Variants in TRPC4AP observed in about 807,000 individuals in gnomAD.
The protein encoded by TRPC4AP is transient receptor potential cation channel subfamily C member 4 associated protein.
In TRPC4AP, 45 loss-of-function variants were observed where a neutral mutation model predicts 99.0. That is an observed-to-expected ratio of 0.45 (90% CI 0.36 to 0.58). The LOEUF (loss-of-function observed/expected upper bound fraction) is 0.58, where lower values mean the gene tolerates loss of function less well. TRPC4AP is among the 20% of genes least tolerant of loss of function. TRPC4AP has a pLI of 0.00. For missense variants in TRPC4AP, 879 were observed against 985.3 expected, an observed-to-expected ratio of 0.89 and a Z score of 1.44; for synonymous variants, 408 against 385.8, an observed-to-expected ratio of 1.06 and a Z score of -0.67.
In TRPC4AP at chr20:35,092,742, G is replaced by T. The variant is rs753576653; in HGVS notation, c.40C>A (p.Arg14=). The T allele has an allele frequency of 6.4e-7, 1 of 1,562,806 alleles. No individual in the cohort carries two copies. The highest frequency in any genetic ancestry group is 8.6e-7 in the Non-Finnish European group (1 of 1,165,724). The stretch of plus-strand genomic sequence containing the variant: ...ACTGTGGCTGCCGACCGTCTCCCTC[G>T]GCCGGCTCCAGACCCAGCCGCTACC... ...APVAAGSGAG[R]GRRSAATVAA... is the part of the protein sequence containing the mutation. The change falls in exon 1 of 19, where the codon CGA becomes AGA. Residue 14 remains arginine, a synonymous_variant. Transcript: ENST00000252015.
At chr20:35,014,335 T>TTG (rs10681837) in intron 10 of TRPC4AP, among the ~76,000 whole-genome samples, 1 of 148,050 alleles carries the variant, frequency 6.8e-6, no homozygotes, top group African/African-American at 2.5e-5. Context: ...TTTTTTTTTT[T>TTG]GAGACACAGT....
chr20:35,016,905 G>A (rs557403284), intron 9 of TRPC4AP, among the ~76,000 whole-genome samples: 5 of 152,308 alleles, frequency 3.3e-5, no homozygotes, highest in Middle Eastern at 3.4e-3. Flanking sequence ...TTATAAGACC[G>A]TGTTGGTGAC....
intron 1 of TRPC4AP, among the ~76,000 whole-genome samples, chr20:35,089,513 T>A (rs2084981705): frequency 1.3e-5 from 2 of 150,794 alleles, no homozygotes; most frequent in South Asian, 4.3e-4. Context: ...ATTACACACA[T>A]GAGCCAATGT....
chr20:35,038,278 A>AT (rs35478505), intron 7 of TRPC4AP, among the ~76,000 whole-genome samples: 89,439 of 148,206 alleles, frequency 0.6, 27,873 homozygotes, highest in Middle Eastern at 0.77. Context: ...TTGAGACACC[A>AT]TTTTTTTTTT....
At chr20:35,085,910 T>C (rs2084829491) in intron 1 of TRPC4AP, among the ~76,000 whole-genome samples, 1 of 152,192 alleles carries the variant, frequency 6.6e-6, no homozygotes, top group South Asian at 2.1e-4. Context: ...GTGCATCTTA[T>C]TTGTTTCTTT....
chr20:35,042,066 G>A (rs1489023265), intron 7 of TRPC4AP, among the ~76,000 whole-genome samples: 1 of 152,130 alleles, frequency 6.6e-6, no homozygotes, highest in Non-Finnish European at 1.5e-5. Flanking sequence ...CAACGTGCAG[G>A]TTTGTTACAT....
At chr20:35,022,706 A>G (rs554399415) in intron 8 of TRPC4AP, among the ~76,000 whole-genome samples, 4 of 152,174 alleles carry the variant, frequency 2.6e-5, no homozygotes, top group African/African-American at 9.7e-5. Context: ...GATACTCTTT[A>G]AAGTATCAAG....
At chr20:35,052,051 C>T (rs998996222) in intron 5 of TRPC4AP, among the ~76,000 whole-genome samples, 7 of 150,810 alleles carry the variant, frequency 4.6e-5, no homozygotes, top group Admixed American at 4.0e-4. Context: ...CTACATTTTT[C>T]GGGGGAGAGT....
At chr20:35,025,204 T>C (rs933735239) in intron 8 of TRPC4AP, among the ~76,000 whole-genome samples, 3 of 152,114 alleles carry the variant, frequency 2.0e-5, no homozygotes, top group African/African-American at 4.8e-5. Flanking sequence ...GTGGGGTTTG[T>C]TTTTTCCTCT....
chr20:35,023,334 G>T (rs1307176533), intron 8 of TRPC4AP, among the ~76,000 whole-genome samples: 4 of 152,160 alleles, frequency 2.6e-5, no homozygotes, highest in Non-Finnish European at 5.9e-5. Flanking sequence ...GGAGTAGAGG[G>T]ATATACTGAA....
At chr20:35,063,637 T>C (rs1035998840) in intron 3 of TRPC4AP, among the ~76,000 whole-genome samples, 3 of 152,106 alleles carry the variant, frequency 2.0e-5, no homozygotes, top group African/African-American at 4.8e-5. Flanking sequence ...GGCAGGAAGA[T>C]CATTTGAGAC....
intron 2 of TRPC4AP, among the ~76,000 whole-genome samples, chr20:35,072,086 T>C (rs906713662): frequency 6.6e-6 from 1 of 152,256 alleles, no homozygotes; most frequent in Non-Finnish European, 1.5e-5. Flanking sequence ...ACGTCTTCTT[T>C]TGAAAAGTGT....
At chr20:35,069,147 C>T (rs2084237164) in intron 3 of TRPC4AP, 149 bp downstream of exon 3, 1 of 591,702 alleles carries the variant, frequency 1.7e-6, no homozygotes, top group Non-Finnish European at 3.1e-6. Flanking sequence ...AACTATGCTG[C>T]TTCAACATGT....
In TRPC4AP at chr20:35,004,467, C is replaced by A; in HGVS notation, c.2040G>T (p.Thr680=). Residue 680 remains threonine (T), a synonymous_variant, in exon 17 of 19, where the codon ACG becomes ACT. Transcript: ENST00000252015. ...TGCCGGGGCCTCTCACCTGGGTCAG[C>A]GTCTGCACGTGGATGATGTTGATGA... ...FRLINIIHVQ[T]LTQENVSCLN... 1 of 1,613,162 alleles carries A rather than the reference C, an allele frequency of 6.2e-7. No homozygotes were observed. The highest frequency in any genetic ancestry group is 8.5e-7 in the Non-Finnish European group (1 of 1,179,540).
chr20:35,071,929 C>CA (rs1200305576), intron 2 of TRPC4AP, among the ~76,000 whole-genome samples: 6 of 152,206 alleles, frequency 3.9e-5, no homozygotes, highest in African/African-American at 1.4e-4. Flanking sequence ...TATTTCTCCA[C>CA]ATCCTCTCCA....
chr20:35,081,803 T>A (rs1430790069), intron 1 of TRPC4AP, among the ~76,000 whole-genome samples: 2 of 151,780 alleles, frequency 1.3e-5, no homozygotes, highest in Admixed American at 6.6e-5. Flanking sequence ...CTGGCCAACA[T>A]GATGAAACCC....
chr20:35,067,368 G>A (rs1465316561), intron 3 of TRPC4AP, among the ~76,000 whole-genome samples: 1 of 152,104 alleles, frequency 6.6e-6, no homozygotes, highest in Non-Finnish European at 1.5e-5. Context: ...CAGATAACAA[G>A]TGTTGGCAAG....
chr20:35,078,017 T>G, intron 2 of TRPC4AP, 29 bp downstream of exon 2: 5 of 1,582,852 alleles, frequency 3.2e-6, no homozygotes, highest in Non-Finnish European at 4.3e-6. Context: ...AGGCCCTGAA[T>G]ACGCCCCTCC....
At chr20:35,084,479 T>C (rs1447940039) in intron 1 of TRPC4AP, among the ~76,000 whole-genome samples, 2 of 119,144 alleles carry the variant, frequency 1.7e-5, no homozygotes, top group African/African-American at 2.7e-5. Context: ...TGTATATATG[T>C]GTATATATGT....
Sources: gnomAD v4.1 joint callset for allele counts (sites outside exome capture counted in the v4.1 genomes callset) on GRCh38, gnomAD v4.1.1 for gene constraint, MANE v1.5 for transcripts, NCBI Gene and HGNC (gene_info 2026-07-23, HGNC 2026-07-21) for gene names.